PPP1R9A: variants seen among roughly 807,000 people sequenced by gnomAD.
PPP1R9A encodes neurabin-1.
In PPP1R9A, 59 loss-of-function variants were observed where a neutral mutation model predicts 141.9. The ratio of observed to expected loss-of-function variants is 0.42; its 90% CI spans 0.34 to 0.52. The LOEUF is 0.52. PPP1R9A is among the 20% of genes least tolerant of loss of function. PPP1R9A has a pLI of 0.10. For synonymous variants in PPP1R9A, 500 were observed against 569.7 expected (o/e 0.88, Z 1.74); for missense variants, 1,444 against 1,611.9 (o/e 0.90, Z 1.78).
intron 2 of PPP1R9A, among the ~76,000 whole-genome samples, chr7:94,929,152 GCTT>G (rs1262228250): frequency 2.0e-5 from 3 of 152,128 alleles, no homozygotes; most frequent in African/African-American, 7.2e-5. Context: ...AGTCTAAATT[GCTT>G]CTTCTAAGAG....
intron 2 of PPP1R9A, among the ~76,000 whole-genome samples, chr7:95,095,369 C>T (rs571435081): frequency 6.6e-6 from 1 of 152,220 alleles, no homozygotes; most frequent in African/African-American, 2.4e-5. Flanking sequence ...GATTCAAGGT[C>T]AGTGATCCCC....
intron 1 of PPP1R9A, chr7:94,907,960 G>C (rs1790950378): frequency 6.8e-6 from 1 of 148,068 alleles, no homozygotes; most frequent in South Asian, 2.1e-4. Flanking sequence ...GCCGACGCGC[G>C]AGTGGAAGCG....
intron 2 of PPP1R9A, among the ~76,000 whole-genome samples, chr7:94,976,348 T>C (rs922466271): frequency 6.7e-6 from 1 of 150,358 alleles, no homozygotes; most frequent in South Asian, 2.1e-4. Flanking sequence ...TTTATTCTTT[T>C]TTTTTTTTTT....
intron 19 of PPP1R9A, 117 bp from the exon 20 acceptor site, chr7:95,289,974 C>G (rs1806104557): frequency 3.4e-6 from 5 of 1,466,728 alleles, no homozygotes; most frequent in Non-Finnish European, 4.5e-6. Flanking sequence ...AGTTCTTCCT[C>G]TGTTCTTACC....
intron 2 of PPP1R9A, among the ~76,000 whole-genome samples, chr7:94,912,575 T>C (rs1355180300): frequency 6.6e-6 from 1 of 152,190 alleles, no homozygotes. Flanking sequence ...CTAAAATCAC[T>C]GTCTGTTATT....
At chr7:95,127,923 G>A (rs1026713293) in intron 4 of PPP1R9A, among the ~76,000 whole-genome samples, 1 of 152,130 alleles carries the variant, frequency 6.6e-6, no homozygotes, top group Non-Finnish European at 1.5e-5. Context: ...TCCACTGTTA[G>A]TGGACACCTA....
intron 4 of PPP1R9A, among the ~76,000 whole-genome samples, chr7:95,136,506 G>T (rs928227425): frequency 1.3e-5 from 2 of 152,098 alleles, no homozygotes; most frequent in African/African-American, 4.8e-5. Context: ...ATGGTATTAA[G>T]GTCATGTAAC....
At position 95,269,369 on chromosome 7, in the gene PPP1R9A, C is replaced by A. The variant is rs1340937565; in HGVS notation, c.2986C>A (p.Pro996Thr). 6.3e-7 allele frequency: 1 copy of A among 1,598,328 alleles called. No homozygotes were observed. Among genetic ancestry groups the A allele is most frequent in the East Asian group, 2.2e-5 (1 of 44,768 alleles). ...SDHIAEFQEEPLDPEMGPLSS... is the reference protein window; with the variant it reads ...SDHIAEFQEETLDPEMGPLSS... ...CCACATAGCTGAATTTCAAGAAGAACCACTGGACCCAGAAATGGGGCCTCT... is the reference window on the plus strand; with the variant it reads ...CCACATAGCTGAATTTCAAGAAGAAACACTGGACCCAGAAATGGGGCCTCT... The change falls in exon 14 of 20, where the codon CCA (proline) becomes ACA (threonine). Residue 996 changes from proline to threonine, a missense_variant. Pro to Thr is a conservative substitution (Grantham distance 38). This residue lies in a region of PPP1R9A where 459 missense variants were observed against 513.8 expected (regional missense o/e 0.89). Transcript: ENST00000433360.
intron 2 of PPP1R9A, among the ~76,000 whole-genome samples, chr7:94,991,475 G>A (rs1418975406): frequency 6.6e-6 from 1 of 152,026 alleles, no homozygotes; most frequent in Non-Finnish European, 1.5e-5. Flanking sequence ...TATTCAACAT[G>A]TTATCTCTTC....
At chr7:95,002,781 G>A (rs576985172) in intron 2 of PPP1R9A, among the ~76,000 whole-genome samples, 14 of 152,246 alleles carry the variant, frequency 9.2e-5, no homozygotes, top group African/African-American at 2.9e-4. Context: ...TAACTTACCC[G>A]TACATAGTTT....
intron 2 of PPP1R9A, among the ~76,000 whole-genome samples, chr7:95,109,770 GA>G (rs1820213675): frequency 2.6e-5 from 4 of 151,376 alleles, no homozygotes; most frequent in Admixed American, 2.6e-4. Flanking sequence ...CTTGAGCTCA[GA>G]AAGCAGAAGC....
At chr7:94,971,645 C>T (rs566414584) in intron 2 of PPP1R9A, among the ~76,000 whole-genome samples, 3 of 152,278 alleles carry the variant, frequency 2.0e-5, no homozygotes, top group Admixed American at 2.0e-4. Context: ...GTGGTACTCA[C>T]AGTAGTCTTT....
chr7:95,132,027 T>G (rs1824733637), intron 4 of PPP1R9A, among the ~76,000 whole-genome samples: 1 of 152,230 alleles, frequency 6.6e-6, no homozygotes, highest in African/African-American at 2.4e-5. Context: ...TACTGATTTT[T>G]GTGCATTGAT....
intron 2 of PPP1R9A, among the ~76,000 whole-genome samples, chr7:95,087,545 T>C (rs1429033212): frequency 1.3e-5 from 2 of 152,046 alleles, no homozygotes; most frequent in Non-Finnish European, 2.9e-5. Flanking sequence ...ATATTGATAG[T>C]AAAAGGATAG....
chr7:95,218,285 A>C (rs1793817682), intron 7 of PPP1R9A, among the ~76,000 whole-genome samples: 1 of 152,082 alleles, frequency 6.6e-6, no homozygotes. Context: ...ATTTTGAGTG[A>C]GTTTCTTAAT....
chr7:94,991,349 A>G (rs1048495562), intron 2 of PPP1R9A, among the ~76,000 whole-genome samples: 1 of 152,088 alleles, frequency 6.6e-6, no homozygotes, highest in Non-Finnish European at 1.5e-5. Context: ...TGTTCAGACC[A>G]TTTGCCCATT....
At chr7:94,992,718 G>A (rs990377884) in intron 2 of PPP1R9A, among the ~76,000 whole-genome samples, 5 of 152,002 alleles carry the variant, frequency 3.3e-5, no homozygotes, top group African/African-American at 1.2e-4. Context: ...TTCTCTAATG[G>A]CTAATGATTT....
intron 2 of PPP1R9A, among the ~76,000 whole-genome samples, chr7:94,976,639 TG>T (rs1409786558): frequency 6.6e-6 from 1 of 152,212 alleles, no homozygotes; most frequent in Non-Finnish European, 1.5e-5. Context: ...TGACTGGTTG[TG>T]GTTGGTGAAT....
chr7:95,077,807 G>C (rs943801374), intron 2 of PPP1R9A, among the ~76,000 whole-genome samples: 2 of 152,122 alleles, frequency 1.3e-5, no homozygotes, highest in Non-Finnish European at 2.9e-5. Flanking sequence ...GAAAAGCATG[G>C]TGAAGAGTAA....
Sources: allele counts gnomAD v4.1 joint callset (sites outside exome capture counted in the v4.1 genomes callset), GRCh38; gene constraint gnomAD v4.1.1; regional missense constraint gnomAD v4.1.1; transcripts MANE v1.5; gene names NCBI Gene and HGNC (gene_info 2026-07-23, HGNC 2026-07-21).